The following ZBTB20 variants were observed in gnomAD, a reference collection of about 807,000 sequenced individuals.
The protein encoded by ZBTB20 is zinc finger and BTB domain-containing protein 20.
ZBTB20 carries 9 observed loss-of-function variants against 56.9 expected under a neutral mutation model. That is an observed-to-expected ratio of 0.16 (90% CI 0.10 to 0.28). The LOEUF (loss-of-function observed/expected upper bound fraction) is 0.28, where lower values mean the gene tolerates loss of function less well. Among genes scored for constraint, ZBTB20 ranks in the 10% least tolerant of loss-of-function variants. ZBTB20 has a pLI of 1.00. For missense variants in ZBTB20, 655 were observed against 1,003.0 expected (o/e 0.65, Z 4.69); for synonymous variants, 417 against 420.7 (o/e 0.99, Z 0.11).
intron 6 of ZBTB20, among the ~76,000 whole-genome samples, chr3:114,518,206 T>C (rs549142458): frequency 6.6e-6 from 1 of 151,912 alleles, no homozygotes; most frequent in South Asian, 2.1e-4. Context: ...TTCTTCCTCA[T>C]CCCCTTTCAA....
In ZBTB20 at chr3:115,090,464, AG is replaced by A. The variant is rs562494684; in HGVS notation, c.-702-19051del. On this transcript the variant is annotated intron_variant, in intron 1 of 11. Transcript: ENST00000675478. ...AAAAATTTTATCTAAAGAAAATATT[AG>A]TTTTAGGGTAAGTATTATCATTATT... Among the ~76,000 whole-genome samples the A allele has an allele frequency of 6.4e-3, 972 of 151,876 alleles. 12 individuals are homozygous for A. The highest frequency in any genetic ancestry group is 0.022 in the African/African-American group (905 of 41,498).
chr3:115,015,288 T>C (rs147429410), intron 2 of ZBTB20, among the ~76,000 whole-genome samples: 70 of 151,914 alleles, frequency 4.6e-4, no homozygotes, highest in Admixed American at 1.1e-3. Flanking sequence ...TAAATAAAGT[T>C]ATTTTGGACT....
chr3:114,680,868 T>C (rs1003186440), intron 6 of ZBTB20, among the ~76,000 whole-genome samples: 38 of 152,328 alleles, frequency 2.5e-4, no homozygotes, highest in African/African-American at 7.9e-4. Context: ...TTAGCAGCAC[T>C]GCCTCCACAC....
chr3:114,550,510 T>G (rs989976267), intron 6 of ZBTB20, among the ~76,000 whole-genome samples: 4 of 152,242 alleles, frequency 2.6e-5, no homozygotes, highest in Admixed American at 6.5e-5. Flanking sequence ...TTCAGTGATA[T>G]TTCCTCTTCA....
At chr3:114,508,424 G>T (rs1308726823) in intron 6 of ZBTB20, among the ~76,000 whole-genome samples, 1 of 152,120 alleles carries the variant, frequency 6.6e-6, no homozygotes, top group African/African-American at 2.4e-5. Flanking sequence ...TTCTTAAATA[G>T]AAGATGAGTC....
At chr3:114,791,558 A>C (rs2070958342) in intron 5 of ZBTB20, 1 of 152,140 alleles carries the variant, frequency 6.6e-6, no homozygotes, top group Non-Finnish European at 1.5e-5. Context: ...TAACCTAGAG[A>C]AGGGAAGAGA....
chr3:114,745,227 T>C (rs1390098460), intron 5 of ZBTB20, among the ~76,000 whole-genome samples: 1 of 152,176 alleles, frequency 6.6e-6, no homozygotes, highest in African/African-American at 2.4e-5. Context: ...AACAACAACA[T>C]CAACTACACA....
At chr3:114,694,230 GAAC>G (rs993827342) in intron 5 of ZBTB20, among the ~76,000 whole-genome samples, 12 of 151,978 alleles carry the variant, frequency 7.9e-5, no homozygotes, top group African/African-American at 2.9e-4. Flanking sequence ...CGAAGTCATA[GAAC>G]AACAAAACAA....
chr3:115,112,106 A>C (rs2083896775), intron 1 of ZBTB20, among the ~76,000 whole-genome samples: 1 of 152,076 alleles, frequency 6.6e-6, no homozygotes, highest in African/African-American at 2.4e-5. Flanking sequence ...TATTACTAAA[A>C]TTTTAAGGCT....
rs201884721 is a variant in ZBTB20, at chr3:114,457,996, GT to G, written c.-255+42355del. Among the ~76,000 whole-genome samples, 801 of 152,282 alleles carry G rather than the reference GT, an allele frequency of 5.3e-3. 14 individuals are homozygous for G. Among genetic ancestry groups the G allele is most frequent in the African/African-American group, 0.018 (760 of 41,556 alleles). ...GTGCAAAACCACTTGAGAGAATCTT[GT>G]TTTCGAATTATAGAATCTGTCCTTC... On this transcript the variant is annotated intron_variant, in intron 7 of 11. Transcript: ENST00000675478.
At chr3:114,641,292 T>A (rs1442070943) in intron 6 of ZBTB20, among the ~76,000 whole-genome samples, 1 of 151,930 alleles carries the variant, frequency 6.6e-6, no homozygotes, top group Admixed American at 6.6e-5. Flanking sequence ...CTGGGTGACA[T>A]CTCTACATGG....
intron 7 of ZBTB20, among the ~76,000 whole-genome samples, chr3:114,447,669 A>G (rs1320553212): frequency 6.6e-6 from 1 of 152,146 alleles, no homozygotes; most frequent in Non-Finnish European, 1.5e-5. Flanking sequence ...TAAAAGAGAG[A>G]GCCCCACAAA....
At chr3:114,544,502 CTTTCTTTCT>C (rs2049607381) in intron 6 of ZBTB20, among the ~76,000 whole-genome samples, 2 of 118,408 alleles carry the variant, frequency 1.7e-5, no homozygotes, top group Non-Finnish European at 3.6e-5. Context: ...TCTTTCTTTT[CTTTCTTTCT>C]TTTTTTTTTT....
chr3:114,437,361 G>T (rs147224677), intron 7 of ZBTB20, among the ~76,000 whole-genome samples: 4 of 152,136 alleles, frequency 2.6e-5, no homozygotes, highest in African/African-American at 9.7e-5. Context: ...CAGCCTACTT[G>T]GTTGAGGTGA....
chr3:114,786,936 T>C (rs749691844), intron 5 of ZBTB20, among the ~76,000 whole-genome samples: 16 of 151,940 alleles, frequency 1.1e-4, no homozygotes, highest in African/African-American at 2.9e-4. Context: ...TACTTAGCAA[T>C]AAAAAAGAAA....
At chr3:114,455,573 C>A (rs1174747144) in intron 7 of ZBTB20, among the ~76,000 whole-genome samples, 4 of 151,956 alleles carry the variant, frequency 2.6e-5, no homozygotes, top group African/African-American at 9.7e-5. Flanking sequence ...CTGCAGAGAA[C>A]AAGACAGGTA....
intron 7 of ZBTB20, among the ~76,000 whole-genome samples, chr3:114,407,971 T>A (rs73857603): frequency 0.21 from 31,200 of 152,008 alleles, 4,252 homozygotes; most frequent in African/African-American, 0.38. Context: ...TACTGAAAAT[T>A]CTTATTTATT....
chr3:115,096,463 T>A (rs972650709), intron 1 of ZBTB20, among the ~76,000 whole-genome samples: 48 of 152,338 alleles, frequency 3.2e-4, no homozygotes, highest in African/African-American at 1.1e-3. Context: ...TAAAATATAT[T>A]TATAAAGTGA....
chr3:114,932,899 G>A (rs996133028), intron 3 of ZBTB20, among the ~76,000 whole-genome samples: 1 of 152,174 alleles, frequency 6.6e-6, no homozygotes, highest in African/African-American at 2.4e-5. Flanking sequence ...GATTGCAGCA[G>A]AAGTGATGCT....
Sources: allele counts gnomAD v4.1 joint callset (sites outside exome capture counted in the v4.1 genomes callset), GRCh38; gene constraint gnomAD v4.1.1; transcripts MANE v1.5; gene names NCBI Gene and HGNC (gene_info 2026-07-23, HGNC 2026-07-21).